TAS1R2: variants seen among roughly 807,000 people sequenced by gnomAD.
TAS1R2 encodes the protein taste receptor type 1 member 2.
TAS1R2 carries 47 observed loss-of-function variants against 49.3 expected under a neutral mutation model. The ratio of observed to expected loss-of-function variants is 0.95; its 90% confidence interval spans 0.75 to 1.22. The LOEUF (loss-of-function observed/expected upper bound fraction) is 1.22, where lower values mean the gene tolerates loss of function less well. Among genes scored for constraint, TAS1R2 ranks in the 50% most tolerant of loss-of-function variants. TAS1R2 has a pLI of 0.00. For synonymous variants in TAS1R2, 479 were observed against 467.9 expected (o/e 1.02, Z -0.31); for missense variants, 1,155 against 1,122.1 (o/e 1.03, Z -0.42).
exon 6 of TAS1R2, chr1:18,840,027 G>T: frequency 5.6e-6 from 9 of 1,613,346 alleles, no homozygotes; most frequent in Non-Finnish European, 7.6e-6. Flanking sequence ...CCCGTGGCCA[G>T]CATGCCAATT....
At position 18,840,112 on chromosome 1, in the gene TAS1R2, G is replaced by A. The variant is rs767201429; in HGVS notation, c.2007C>T (p.Tyr669=). The change falls in exon 6 of 6, where the codon TAC becomes TAT. Residue 669 remains tyrosine, a synonymous_variant. Coordinates refer to ENST00000375371, the Ensembl canonical transcript of TAS1R2. ...GCCCCTGGTAGCGGACCCAGTAGCT[G>A]TAGGCGCGTGGGAAGCGGCTGGCCA... 100 of 1,614,150 alleles carry A rather than the reference G, an allele frequency of 6.2e-5. 1 individual carries two copies. The highest frequency in any genetic ancestry group is 8.2e-5 in the Non-Finnish European group (97 of 1,180,056).
rs748396022 is a variant in TAS1R2 at position 18,854,175 on chromosome 1, G to A, written c.1257+38C>T. The A allele has an allele frequency of 2.5e-6, 4 of 1,589,488 alleles. No homozygotes were observed. Among genetic ancestry groups the A allele is most frequent in the African/African-American group, 1.3e-5 (1 of 74,468 alleles). The stretch of plus-strand genomic sequence containing the variant: ...CCCAGAACCCCAGGGGAGGAGGATG[G>A]AGGTGCCCTGCAGACTCTATGGCAG... On this transcript the variant is annotated intron_variant, in intron 3 of 5. Transcript: ENST00000375371. The surrounding 1 kb of genome is among the most constrained non-coding windows in gnomAD (Gnocchi z 4.9).
intron 4 of TAS1R2, among the ~76,000 whole-genome samples, chr1:18,842,118 A>T (rs1165230215): frequency 6.6e-6 from 1 of 152,194 alleles, no homozygotes; most frequent in Non-Finnish European, 1.5e-5. Context: ...AACCCAACTG[A>T]TGTGAATTTT....
exon 1 of TAS1R2, chr1:18,859,582 A>G (rs777116999): frequency 6.2e-7 from 1 of 1,614,246 alleles, no homozygotes; most frequent in Admixed American, 1.7e-5. Context: ...GGCAGGTAGA[A>G]GTCCGAGTTC....
In TAS1R2 at chr1:18,854,585, G is replaced by A. The variant is rs148401055; in HGVS notation, c.885C>T (p.Gly295=). Reference sequence around the variant, plus strand: ...AGGACTCGGAGGCGATCCACACGGCGCCAGTGAAGTTCTGGCGCAGCACCT... The same window carrying A: ...AGGACTCGGAGGCGATCCACACGGCACCAGTGAAGTTCTGGCGCAGCACCT... Residue 295 remains glycine, a synonymous_variant, in exon 3 of 6, where the codon GGC becomes GGT. Coordinates refer to ENST00000375371, the Ensembl canonical transcript of TAS1R2. The surrounding 1 kb of genome is among the most constrained non-coding windows in gnomAD (Gnocchi z 4.9). The A allele has an allele frequency of 4.4e-5, 71 of 1,613,836 alleles. No homozygotes were observed. The highest frequency in any genetic ancestry group is 3.3e-4 in the Middle Eastern group (2 of 6,084).
intron 4 of TAS1R2, 101 bp downstream of exon 4, chr1:18,849,240 C>T (rs546121785): frequency 2.4e-6 from 3 of 1,227,080 alleles, no homozygotes; most frequent in Non-Finnish European, 3.4e-6. Flanking sequence ...ATTGATAAAG[C>T]ATCTCCAGGC....
intron 1 of TAS1R2, among the ~76,000 whole-genome samples, chr1:18,858,649 CTGT>C (rs1934185463): frequency 6.6e-6 from 1 of 152,112 alleles, no homozygotes; most frequent in Non-Finnish European, 1.5e-5. Context: ...ACCAGTATTA[CTGT>C]TATCAACATT....
chr1:18,854,358 A>G lies in TAS1R2; in HGVS notation c.1112T>C (p.Leu371Ser). Reference sequence around the variant, plus strand: ...GAGCCTGAGAATGGTGTTGAAGGACAAGGTGGCGTTCAGGCAGTTGTCGCA... The same window carrying G: ...GAGCCTGAGAATGGTGTTGAAGGACGAGGTGGCGTTCAGGCAGTTGTCGCA... Residue 371 changes from leucine (L) to serine (S), a missense_variant, in exon 3 of 6, where the codon TTG (leucine) becomes TCG (serine). By Grantham distance (145) the Leu-to-Ser change is moderately radical. Coordinates refer to ENST00000375371, the Ensembl canonical transcript of TAS1R2. The surrounding 1 kb of genome is among the most constrained non-coding windows in gnomAD (Gnocchi z 4.9). 6.2e-7 allele frequency: 1 copy of G among 1,613,926 alleles called. No individual in the cohort carries two copies. The highest frequency in any genetic ancestry group is 8.5e-7 in the Non-Finnish European group (1 of 1,179,896).
intron 4 of TAS1R2, among the ~76,000 whole-genome samples, chr1:18,845,307 G>C (rs573204695): frequency 1.3e-5 from 2 of 152,282 alleles, no homozygotes; most frequent in East Asian, 3.9e-4. Flanking sequence ...CTCAGCTAAG[G>C]TACCATCTTC....
intron 2 of TAS1R2, among the ~76,000 whole-genome samples, chr1:18,856,864 T>A (rs919050086): frequency 1.3e-5 from 2 of 152,352 alleles, no homozygotes; most frequent in Non-Finnish European, 2.9e-5. Context: ...GAGGACCTAC[T>A]ACGAGGCAGA....
intron 4 of TAS1R2, among the ~76,000 whole-genome samples, chr1:18,844,767 AG>A (rs1933886817): frequency 2.2e-5 from 3 of 137,900 alleles, no homozygotes; most frequent in Non-Finnish European, 4.5e-5. Context: ...AAAAAGAAGA[AG>A]AAGAAGAAGA....
chr1:18,853,736 C>G (rs943840499), intron 3 of TAS1R2, among the ~76,000 whole-genome samples: 1 of 152,158 alleles, frequency 6.6e-6, no homozygotes, highest in African/African-American at 2.4e-5. Flanking sequence ...TCAGTAAAAC[C>G]TTCTATATCC....
rs773769554 is a variant in TAS1R2 at position 18,854,181 on chromosome 1, C to T, written c.1257+32G>A. On this transcript the variant is annotated intron_variant, in intron 3 of 5. Transcript: ENST00000375371. The surrounding 1 kb of genome is among the most constrained non-coding windows in gnomAD (Gnocchi z 4.9). ...ACCCCAGGGGAGGAGGATGGAGGTG[C>T]CCTGCAGACTCTATGGCAGCCACCC... 1.3e-6 allele frequency: 2 copies of T among 1,597,446 alleles called. No individual in the cohort carries two copies. The highest frequency in any genetic ancestry group is 1.1e-5 in the South Asian group (1 of 89,080).
At chr1:18,859,619 G>T in exon 1 of TAS1R2, 1 of 1,614,248 alleles carries the variant, frequency 6.2e-7, no homozygotes, top group Non-Finnish European at 8.5e-7. Flanking sequence ...GGACCCATAG[G>T]AGGAAGAACA....
At chr1:18,841,702 C>T in intron 5 of TAS1R2, 27 bp downstream of exon 5, 1 of 1,603,794 alleles carries the variant, frequency 6.2e-7, no homozygotes, top group African/African-American at 1.3e-5. Context: ...AGGGGCAGGG[C>T]AGGAGTGCTA....
chr1:18,857,416 G>A lies in TAS1R2; in HGVS notation c.398C>T (p.Ser133Phe), dbSNP rs761911610. 3.7e-6 allele frequency: 6 copies of A among 1,614,210 alleles called. No homozygotes were observed. In the Admixed American group the frequency reaches 1.0e-4, roughly 27 times the overall value. ...AGGGCCAATGACAGCCACCACACGG[G>A]AAATGTAGTTACTGTAGTCCTCTTG... Residue 133 changes from serine (S) to phenylalanine (F), a missense_variant, in exon 2 of 6, where the codon TCC becomes TTC. Physicochemically the swap from Ser to Phe is radical, Grantham distance 155 (BLOSUM62 -2). Coordinates refer to ENST00000375371, the Ensembl canonical transcript of TAS1R2.
exon 6 of TAS1R2, chr1:18,840,410 G>T (rs374837232): frequency 6.3e-5 from 101 of 1,614,050 alleles, no homozygotes; most frequent in Non-Finnish European, 8.1e-5. Context: ...GGCCAGCAGG[G>T]CCACAGCGAT....
chr1:18,858,316 C>A (rs1349312752), intron 1 of TAS1R2: 2 of 150,878 alleles, frequency 1.3e-5, no homozygotes, highest in Non-Finnish European at 3.0e-5. Flanking sequence ...ACGATCACCA[C>A]CATCACCAAC....
intron 4 of TAS1R2, among the ~76,000 whole-genome samples, chr1:18,849,085 C>G (rs1933973567): frequency 6.6e-6 from 1 of 152,180 alleles, no homozygotes; most frequent in Non-Finnish European, 1.5e-5. Flanking sequence ...GTCAGGCACA[C>G]ACACAAAGTG....
Sources: gnomAD v4.1 joint callset for allele counts (sites outside exome capture counted in the v4.1 genomes callset) on GRCh38, gnomAD v4.1.1 for gene constraint, Gnocchi (gnomAD v3.1) non-coding constraint, MANE v1.5 for transcripts, NCBI Gene and HGNC (gene_info 2026-07-23, HGNC 2026-07-21) for gene names.